Variants in GTF3A observed in about 807,000 individuals in gnomAD.
GTF3A encodes general transcription factor IIIA, also known as transcription factor IIIA.
Under a neutral mutation model 37.6 loss-of-function variants are expected in GTF3A, and 40 were observed. The observed-to-expected ratio is 1.06, with a 90% CI of 0.83 to 1.38. The LOEUF is 1.38. GTF3A is among the 40% of genes most tolerant of loss of function. GTF3A has a pLI of 0.00. For missense variants in GTF3A, 500 were observed against 462.6 expected (o/e 1.08, Z -0.74); for synonymous variants, 191 against 166.7 (o/e 1.15, Z -1.12).
At chr13:27,429,783 A>G (rs1162612470) in intron 2 of GTF3A, 87 bp from the exon 3 acceptor site, 4 of 622,478 alleles carry the variant, frequency 6.4e-6, no homozygotes, top group Non-Finnish European at 1.1e-5. Context: ...TGGAAGAATT[A>G]GCTTCTATAA....
At chr13:27,433,602 CACTT>C (rs1343475137) in intron 5 of GTF3A, among the ~76,000 whole-genome samples, 4 of 147,024 alleles carry the variant, frequency 2.7e-5, no homozygotes, top group South Asian at 2.1e-4. Context: ...TGCAGTATGA[CACTT>C]ACAAGATGGC....
chr13:27,426,219 G>A (rs986793876), intron 1 of GTF3A: 2 of 152,244 alleles, frequency 1.3e-5, no homozygotes, highest in African/African-American at 2.4e-5. Flanking sequence ...CCTTAATACA[G>A]GTTGAAAAAC....
chr13:27,431,184 TGTAA>T (rs142217794), intron 4 of GTF3A, among the ~76,000 whole-genome samples: 2,492 of 152,322 alleles, frequency 0.016, 64 homozygotes, highest in African/African-American at 0.055. Context: ...ATCGGGTGGC[TGTAA>T]GTATTTGGCT....
At chr13:27,434,727 C>T in intron 6 of GTF3A, 78 bp from the exon 7 acceptor site, 1 of 731,408 alleles carries the variant, frequency 1.4e-6, no homozygotes, top group Non-Finnish European at 2.3e-6. Flanking sequence ...CTGAATGTTA[C>T]TTATATATTA....
chr13:27,425,012 C>G, intron 1 of GTF3A, 74 bp downstream of exon 1: 2 of 1,143,144 alleles, frequency 1.7e-6, no homozygotes, highest in Non-Finnish European at 2.5e-6. Context: ...GCAGTCGTGG[C>G]CAGGGCCGCA....
chr13:27,424,797 C>T lies in GTF3A; in HGVS notation c.60C>T (p.Phe20=), dbSNP rs1426124552. Residue 20 remains phenylalanine, a synonymous_variant, in exon 1 of 9, where the codon TTC becomes TTT. Transcript: ENST00000381140. ...CGTCCTTGACCATCGCCGACGCGTT[C>T]ATTGCAGCCGGCGAGAGCTCAGCTC... 6.5e-7 allele frequency: 1 copy of T among 1,545,474 alleles called. No individual in the cohort carries two copies. The highest frequency in any genetic ancestry group is 2.5e-5 in the East Asian group (1 of 40,092).
intron 4 of GTF3A, among the ~76,000 whole-genome samples, chr13:27,431,715 CA>C (rs1023011945): frequency 2.6e-5 from 4 of 152,106 alleles, no homozygotes; most frequent in African/African-American, 9.7e-5. Flanking sequence ...GCTAAAATCT[CA>C]GCACCACTAT....
At chr13:27,434,626 C>G (rs181084444) in intron 6 of GTF3A, 179 bp from the exon 7 acceptor site, 1 of 582,578 alleles carries the variant, frequency 1.7e-6, no homozygotes, top group East Asian at 2.8e-5. Flanking sequence ...TTAAGAACTT[C>G]AGAGAATTGA....
chr13:27,431,774 TG>T (rs1375531193), intron 4 of GTF3A, among the ~76,000 whole-genome samples: 1 of 152,196 alleles, frequency 6.6e-6, no homozygotes, highest in Middle Eastern at 3.2e-3. Flanking sequence ...CAAAAGCCAT[TG>T]AAATTTAAAG....
At chr13:27,430,975 C>T (rs1953652247) in intron 4 of GTF3A, among the ~76,000 whole-genome samples, 1 of 152,096 alleles carries the variant, frequency 6.6e-6, no homozygotes, top group Non-Finnish European at 1.5e-5. Context: ...GCTTTCAGGG[C>T]CTTAGTAAGA....
intron 6 of GTF3A, 94 bp downstream of exon 6, chr13:27,434,313 A>T: frequency 2.7e-6 from 2 of 742,572 alleles, no homozygotes; most frequent in Non-Finnish European, 5.0e-6. Context: ...TGTGCTTTAA[A>T]GTAAAAGGGT....
chr13:27,426,191 T>A (rs1030934445), intron 1 of GTF3A: 1 of 152,294 alleles, frequency 6.6e-6, no homozygotes, highest in Non-Finnish European at 1.5e-5. Flanking sequence ...GTATTTTGGA[T>A]ACTGGCGCTA....
intron 8 of GTF3A, 86 bp downstream of exon 8, chr13:27,435,278 T>G: frequency 7.6e-7 from 1 of 1,315,178 alleles, no homozygotes; most frequent in Non-Finnish European, 1.1e-6. Context: ...TCTTTTCACC[T>G]GCTTTACTGT....
At chr13:27,435,082 A>G in intron 7 of GTF3A, 48 bp downstream of exon 7, 1 of 1,562,342 alleles carries the variant, frequency 6.4e-7, no homozygotes, top group Non-Finnish European at 8.8e-7. Context: ...ATGCTTTCAC[A>G]ACATGGTTTT....
At chr13:27,425,014 A>C in intron 1 of GTF3A, 76 bp downstream of exon 1, 1 of 1,083,990 alleles carries the variant, frequency 9.2e-7, no homozygotes, top group South Asian at 1.5e-5. Flanking sequence ...AGTCGTGGCC[A>C]GGGCCGCAGG....
At chr13:27,429,260 T>A (rs1190009719) in intron 2 of GTF3A, 1 of 130,928 alleles carries the variant, frequency 7.6e-6, no homozygotes, top group Admixed American at 8.8e-5. Flanking sequence ...CCCTCAAGCT[T>A]ACGAAGGCTC....
chr13:27,433,460 C>T (rs1190464849), intron 5 of GTF3A, among the ~76,000 whole-genome samples: 1 of 147,722 alleles, frequency 6.8e-6, no homozygotes, highest in Non-Finnish European at 1.5e-5. Flanking sequence ...CATTGTTATT[C>T]AGTGTTTTTC....
intron 3 of GTF3A, 95 bp from the exon 4 acceptor site, chr13:27,430,438 A>G (rs1226835939): frequency 2.8e-6 from 2 of 706,400 alleles, no homozygotes; most frequent in Non-Finnish European, 4.8e-6. Context: ...AATTTTATAC[A>G]GTCTCCAAAA....
At chr13:27,433,367 CATT>C (rs913535192) in intron 5 of GTF3A, among the ~76,000 whole-genome samples, 2 of 150,028 alleles carry the variant, frequency 1.3e-5, no homozygotes, top group African/African-American at 4.9e-5. Context: ...GAGGCAGCCT[CATT>C]GTTTTTAGTT....
Sources: allele counts gnomAD v4.1 joint callset (sites outside exome capture counted in the v4.1 genomes callset), GRCh38; gene constraint gnomAD v4.1.1; transcripts MANE v1.5; gene names NCBI Gene and HGNC (gene_info 2026-07-23, HGNC 2026-07-21).